The following PTBP2 variants were observed in gnomAD, a reference collection of about 807,000 sequenced individuals.
The protein encoded by PTBP2 is polypyrimidine tract-binding protein 2.
In PTBP2, 13 loss-of-function variants were observed where a neutral mutation model predicts 61.4. The observed-to-expected ratio is 0.21, with a 90% CI of 0.14 to 0.34. The LOEUF (loss-of-function observed/expected upper bound fraction) is 0.34, where lower values mean the gene tolerates loss of function less well. Ranked by LOEUF, PTBP2 falls within the 10% of genes least tolerant of loss-of-function variation. The probability of loss-of-function intolerance (pLI) is 1.00; values close to 1 mark genes in which losing one functional copy is unlikely to be tolerated. For missense variants in PTBP2, 405 were observed against 642.6 expected (o/e 0.63, Z 4.00); for synonymous variants, 215 against 218.5 (o/e 0.98, Z 0.14).
At chr1:96,795,551 A>T (rs1054368818) in intron 8 of PTBP2, among the ~76,000 whole-genome samples, 1 of 152,208 alleles carries the variant, frequency 6.6e-6, no homozygotes, top group Non-Finnish European at 1.5e-5. Flanking sequence ...TTGTAATTAA[A>T]CTTTAAGCAG....
At chr1:96,749,401 A>T (rs1654254108) in intron 2 of PTBP2, among the ~76,000 whole-genome samples, 1 of 152,164 alleles carries the variant, frequency 6.6e-6, no homozygotes, top group Admixed American at 6.6e-5. Context: ...GAAAACTAGG[A>T]GAGTTAAAGT....
chr1:96,729,315 C>T (rs1474736105), intron 2 of PTBP2, among the ~76,000 whole-genome samples: 1 of 152,220 alleles, frequency 6.6e-6, no homozygotes, highest in Non-Finnish European at 1.5e-5. Context: ...AGCCACCACC[C>T]CCAGCCTATG....
At chr1:96,801,840 G>A (rs1449804039) in intron 8 of PTBP2, among the ~76,000 whole-genome samples, 1 of 141,498 alleles carries the variant, frequency 7.1e-6, no homozygotes, top group Non-Finnish European at 1.5e-5. Flanking sequence ...CAGCCTGGGG[G>A]ACAAGAGCAA....
chr1:96,736,880 G>A (rs1204250643), intron 2 of PTBP2, among the ~76,000 whole-genome samples: 25 of 151,940 alleles, frequency 1.6e-4, no homozygotes, highest in Admixed American at 1.1e-3. Context: ...GCGTCTCGCT[G>A]TATCGCTTAG....
At chr1:96,787,204 T>G (rs1482503809) in intron 8 of PTBP2, among the ~76,000 whole-genome samples, 1 of 151,922 alleles carries the variant, frequency 6.6e-6, no homozygotes, top group East Asian at 1.9e-4. Context: ...TCTTTTTTCG[T>G]AGAGATGAGA....
chr1:96,743,139 T>C (rs1653274319), intron 2 of PTBP2, among the ~76,000 whole-genome samples: 1 of 151,908 alleles, frequency 6.6e-6, no homozygotes, highest in Non-Finnish European at 1.5e-5. Flanking sequence ...ACGAAAAAAT[T>C]AGCCAGGCGT....
chr1:96,723,387 C>G (rs774123155), intron 1 of PTBP2, among the ~76,000 whole-genome samples, 177 bp from the exon 2 acceptor site: 2 of 152,088 alleles, frequency 1.3e-5, no homozygotes, highest in African/African-American at 2.4e-5. Flanking sequence ...TTTTAGAAAA[C>G]CAGGTTGGTA....
chr1:96,736,763 AC>A (rs1652247580), intron 2 of PTBP2, among the ~76,000 whole-genome samples: 1 of 151,884 alleles, frequency 6.6e-6, no homozygotes, highest in Non-Finnish European at 1.5e-5. Context: ...GGCAGCCTCA[AC>A]CTCCTGGGCT....
Position 96,777,850 on chromosome 1 carries a change from T to C in PTBP2, c.612T>C (p.Phe204=), listed in dbSNP as rs1422322444. 2.5e-6 allele frequency: 4 copies of C among 1,576,186 alleles called. No individual in the cohort carries two copies. Among genetic ancestry groups the C allele is most frequent in the Non-Finnish European group, 3.5e-6 (4 of 1,157,672 alleles). Residue 204 remains phenylalanine (F), a synonymous_variant, in exon 7 of 14, where the codon TTT becomes TTC. Transcript: ENST00000674951. ...TGTTTTAACAGATATTTTCTAAGTTTGGTGCTGTATTGAAGATAATCACAT... is the reference window on the plus strand; with the variant it reads ...TGTTTTAACAGATATTTTCTAAGTTCGGTGCTGTATTGAAGATAATCACAT... ...LDVLHQIFSK[F]GAVLKIITFT...
chr1:96,721,802 G>C lies in PTBP2; in HGVS notation c.-63G>C, dbSNP rs1018696898. On this transcript the variant is annotated 5_prime_UTR_variant, in exon 1 of 14. Coordinates refer to ENST00000674951, the MANE Select transcript of PTBP2 (RefSeq NM_021190.4). Reference sequence around the variant, plus strand: ...GGGCCCCAGCCGCCATTTTCTCGCCGCTTGTGTGGCTCGCTGGCTGCGTGG... The same window carrying C: ...GGGCCCCAGCCGCCATTTTCTCGCCCCTTGTGTGGCTCGCTGGCTGCGTGG... 6.5e-7 allele frequency: 1 copy of C among 1,549,784 alleles called. No individual in the cohort carries two copies. Among genetic ancestry groups the C allele is most frequent in the Non-Finnish European group, 8.7e-7 (1 of 1,145,578 alleles).
At position 96,813,036 on chromosome 1, in the gene PTBP2, G is replaced by A. The variant is rs1451373345; in HGVS notation, c.1396G>A (p.Val466Ile). Residue 466 changes from valine (V) to isoleucine (I), a missense_variant, in exon 13 of 14, where the codon GTA becomes ATA. This residue lies in a region of PTBP2 where 24 missense variants were observed against 27.7 expected (regional missense o/e 0.87). Transcript: ENST00000674951. ...CCCATTCAATTTTCCTAGTCCATCA[G>A]TAGCAGAAGAGGATCTACGAACACT... is the stretch of plus-strand genomic sequence containing the variant. ...TLHLSNIPPS[V>I]AEEDLRTLFA... The A allele has an allele frequency of 1.9e-6, 3 of 1,612,640 alleles. No homozygotes were observed. In the South Asian group the frequency reaches 3.3e-5, roughly 18 times the overall value.
chr1:96,748,759 C>T (rs1043062883), intron 2 of PTBP2, among the ~76,000 whole-genome samples: 2 of 152,136 alleles, frequency 1.3e-5, no homozygotes, highest in Non-Finnish European at 2.9e-5. Flanking sequence ...TCAATCACTA[C>T]CATTGATCAT....
chr1:96,738,545 G>T (rs1181904385), intron 2 of PTBP2, among the ~76,000 whole-genome samples: 1 of 152,166 alleles, frequency 6.6e-6, no homozygotes, highest in African/African-American at 2.4e-5. Context: ...TGCATTGTTG[G>T]ATTGATTGGG....
intron 8 of PTBP2, among the ~76,000 whole-genome samples, chr1:96,803,701 A>G (rs779856310): frequency 1.3e-5 from 2 of 152,188 alleles, no homozygotes; most frequent in Non-Finnish European, 1.5e-5. Context: ...CTCTAAAACC[A>G]AAGGTAACAG....
chr1:96,759,837 C>T lies in PTBP2; in HGVS notation c.115+8337C>T, dbSNP rs544944105. Among the ~76,000 whole-genome samples, 10 of 152,104 alleles carry T rather than the reference C, an allele frequency of 6.6e-5. No individual in the cohort carries two copies. In the East Asian group the frequency reaches 9.6e-4, roughly 15 times the overall value. On this transcript the variant is annotated intron_variant, in intron 3 of 13. Coordinates refer to ENST00000674951, the MANE Select transcript of PTBP2 (RefSeq NM_021190.4). The stretch of plus-strand genomic sequence containing the variant: ...TGATAAAGACGTACCCGAGACTGGG[C>T]GGGCAATTTATGAAAGAAACCAGTT...
chr1:96,738,762 A>G (rs550353676), intron 2 of PTBP2, among the ~76,000 whole-genome samples: 3 of 152,316 alleles, frequency 2.0e-5, no homozygotes, highest in African/African-American at 4.8e-5. Flanking sequence ...ATACCAAAAT[A>G]CCACTTTAAA....
intron 7 of PTBP2, among the ~76,000 whole-genome samples, chr1:96,780,520 T>TA (rs1658537169): frequency 6.6e-6 from 1 of 152,132 alleles, no homozygotes; most frequent in South Asian, 2.1e-4. Flanking sequence ...ATGCTAGTGA[T>TA]ATGATTTAGT....
chr1:96,723,962 T>A (rs183120217), intron 2 of PTBP2, among the ~76,000 whole-genome samples: 4 of 152,324 alleles, frequency 2.6e-5, no homozygotes, highest in African/African-American at 9.6e-5. Flanking sequence ...AGTTTTTTGT[T>A]TTTTATTACT....
At position 96,785,161 on chromosome 1, in the gene PTBP2, G is replaced by A; in HGVS notation, c.811G>A (p.Asp271Asn). Residue 271 changes from aspartate to asparagine, a missense_variant, in exon 8 of 14, where the codon GAT becomes AAT. This residue lies in a region of PTBP2 where 342 missense variants were observed against 491.2 expected (regional missense o/e 0.70). Coordinates refer to ENST00000674951, the MANE Select transcript of PTBP2 (RefSeq NM_021190.4). Reference sequence around the variant, plus strand: ...AAAATACAACAATGATAAAAGTAGGGATTATACTCGACCTGATCTTCCATC... The same window carrying A: ...AAAATACAACAATGATAAAAGTAGGAATTATACTCGACCTGATCTTCCATC... ...NVKYNNDKSR[D>N]YTRPDLPSGD... 1 of 1,610,524 alleles carries A rather than the reference G, an allele frequency of 6.2e-7. No homozygotes were observed. The highest frequency in any genetic ancestry group is 2.2e-5 in the East Asian group (1 of 44,668).
Sources: allele counts gnomAD v4.1 joint callset (sites outside exome capture counted in the v4.1 genomes callset), GRCh38; gene constraint gnomAD v4.1.1; regional missense constraint gnomAD v4.1.1; transcripts MANE v1.5; gene names NCBI Gene and HGNC (gene_info 2026-07-23, HGNC 2026-07-21).